The following NUP153 variants were observed in gnomAD, a reference collection of about 807,000 sequenced individuals.
NUP153 encodes the protein nucleoporin 153, also known as nuclear pore complex protein Nup153.
Under a neutral mutation model 134.6 loss-of-function variants are expected in NUP153, and 27 were observed. That is an observed-to-expected ratio of 0.20 (90% CI 0.15 to 0.28). The LOEUF is 0.28. Among genes scored for constraint, NUP153 ranks in the 10% least tolerant of loss-of-function variants. The probability of loss-of-function intolerance (pLI) is 1.00; values close to 1 mark genes in which losing one functional copy is unlikely to be tolerated. For missense variants in NUP153, 1,821 were observed against 1,731.3 expected (o/e 1.05, Z -0.92); for synonymous variants, 640 against 623.5 (o/e 1.03, Z -0.40).
chr6:17,623,089 C>T (rs1454166923), intron 20 of NUP153, among the ~76,000 whole-genome samples: 4 of 148,622 alleles, frequency 2.7e-5, no homozygotes, highest in African/African-American at 5.0e-5. Context: ...GAGATCAAGC[C>T]ACTGCACTCC....
chr6:17,648,005 A>T, intron 12 of NUP153, 100 bp from the exon 13 acceptor site: 1 of 724,376 alleles, frequency 1.4e-6, no homozygotes, highest in Non-Finnish European at 2.4e-6. Context: ...CAAAGACACT[A>T]AGTATTTTTT....
At chr6:17,633,762 G>A (rs1737202212) in intron 16 of NUP153, among the ~76,000 whole-genome samples, 1 of 152,170 alleles carries the variant, frequency 6.6e-6, no homozygotes, top group Non-Finnish European at 1.5e-5. Flanking sequence ...TACTTCTCTA[G>A]ATGGCCTACA....
In NUP153 at chr6:17,616,491, A is replaced by G. The variant is rs762235053; in HGVS notation, c.4343+36T>C. The G allele has an allele frequency of 8.3e-6, 13 of 1,568,434 alleles. No individual in the cohort carries two copies. The Admixed American group carries it at 2.2e-4, about 27-fold the overall frequency. On this transcript the variant is annotated intron_variant, in intron 21 of 21. Coordinates refer to ENST00000262077, the MANE Select transcript of NUP153 (RefSeq NM_005124.4). ...CATATACATGCACATACCCTTACCA[A>G]TGTAACTTCTCCATTTCAATAAAAA...
intron 1 of NUP153, among the ~76,000 whole-genome samples, chr6:17,704,894 G>A (rs1290570544): frequency 6.6e-6 from 1 of 152,026 alleles, no homozygotes; most frequent in Non-Finnish European, 1.5e-5. Context: ...CAAGTAGCTG[G>A]GACTACAGGC....
chr6:17,660,738 G>A (rs1767126908), intron 11 of NUP153, among the ~76,000 whole-genome samples: 1 of 152,044 alleles, frequency 6.6e-6, no homozygotes, highest in Non-Finnish European at 1.5e-5. Context: ...AAACTATCTT[G>A]AAGAGAAAAC....
At chr6:17,699,681 C>G (rs1769921643) in intron 1 of NUP153, among the ~76,000 whole-genome samples, 1 of 151,538 alleles carries the variant, frequency 6.6e-6, no homozygotes, top group Admixed American at 6.6e-5. Flanking sequence ...ACTAAAAATA[C>G]AAAAATAGCC....
chr6:17,669,385 A>T, intron 6 of NUP153, 45 bp downstream of exon 6: 1 of 1,596,236 alleles, frequency 6.3e-7, no homozygotes, highest in Non-Finnish European at 8.6e-7. Context: ...CAATAATATC[A>T]AGTTTTGTTA....
At chr6:17,636,815 GAAGT>G (rs1005501653) in intron 16 of NUP153, among the ~76,000 whole-genome samples, 6 of 152,206 alleles carry the variant, frequency 3.9e-5, no homozygotes, top group African/African-American at 1.4e-4. Flanking sequence ...TCTATTTGGA[GAAGT>G]AATATTTTAC....
chr6:17,687,911 G>A (rs1222974770), intron 2 of NUP153, among the ~76,000 whole-genome samples: 14 of 151,932 alleles, frequency 9.2e-5, no homozygotes, highest in Admixed American at 6.6e-4. Flanking sequence ...TCAGGAGATC[G>A]AGACCATCCT....
At chr6:17,686,797 G>GA (rs1351014090) in intron 2 of NUP153, among the ~76,000 whole-genome samples, 1 of 150,646 alleles carries the variant, frequency 6.6e-6, no homozygotes, top group African/African-American at 2.4e-5. Flanking sequence ...TTGGGGGTAG[G>GA]AAGGTAGGGA....
rs191724337 is a variant in NUP153, at chr6:17,655,906, T to C, written c.1395+5747A>G. ...TGTATCCAAACCTATTCTATACAGA[T>C]ATAAAACACAAGGTAGGGCTGGGCG... On this transcript the variant is annotated intron_variant, in intron 11 of 21. Coordinates refer to ENST00000262077, the MANE Select transcript of NUP153 (RefSeq NM_005124.4). Among the ~76,000 whole-genome samples, 2 of 152,248 alleles carry C rather than the reference T, an allele frequency of 1.3e-5. 1 individual carries two copies. Among genetic ancestry groups the C allele is most frequent in the East Asian group, 3.9e-4 (2 of 5,168 alleles).
At chr6:17,692,836 T>C (rs981318053) in intron 1 of NUP153, among the ~76,000 whole-genome samples, 1 of 152,110 alleles carries the variant, frequency 6.6e-6, no homozygotes, top group African/African-American at 2.4e-5. Flanking sequence ...GGAAATCAGA[T>C]ACATTTCAGG....
chr6:17,647,826 T>G lies in NUP153; in HGVS notation c.1613A>C (p.Asn538Thr). 1 of 1,603,520 alleles carries G rather than the reference T, an allele frequency of 6.2e-7. No individual in the cohort carries two copies. The highest frequency in any genetic ancestry group is 8.5e-7 in the Non-Finnish European group (1 of 1,170,368). Residue 538 changes from asparagine to threonine, a missense_variant, in exon 13 of 22, where the codon AAT (asparagine) becomes ACT (threonine). Transcript: ENST00000262077. ...SSPIVKSTEANVLPPSSIGFT... is the reference protein window; with the variant it reads ...SSPIVKSTEATVLPPSSIGFT... ...ACTTACAGATGATGGAGGTAGTACA[T>G]TTGCCTCAGTAGATTTTACGATTGG...
intron 9 of NUP153, among the ~76,000 whole-genome samples, chr6:17,664,066 C>T (rs75595468): frequency 0.041 from 6,206 of 151,690 alleles, 389 homozygotes; most frequent in East Asian, 0.29. Flanking sequence ...TATATCCATA[C>T]AATGAAATAT....
At position 17,638,622 on chromosome 6, in the gene NUP153, C is replaced by A. The variant is rs982526944; in HGVS notation, c.1847-852G>T. On this transcript the variant is annotated intron_variant, in intron 15 of 21. Transcript: ENST00000262077. The surrounding 1 kb of genome is among the most constrained non-coding windows in gnomAD (Gnocchi z 4.0). ...GATATTAACAGTAACCATCTCAAGG[C>A]ATTACAGATTTCTTTTTCTTCTACT... Among the ~76,000 whole-genome samples the A allele has an allele frequency of 9.2e-5, 14 of 152,192 alleles. No homozygotes were observed. The highest frequency in any genetic ancestry group is 1.9e-4 in the Non-Finnish European group (13 of 68,034).
In NUP153 at chr6:17,654,197, T is replaced by C. The variant is rs902606035; in HGVS notation, c.1396-4897A>G. Among the ~76,000 whole-genome samples the C allele has an allele frequency of 2.0e-5, 3 of 152,120 alleles. No individual in the cohort carries two copies. In the East Asian group the frequency reaches 5.8e-4, roughly 29 times the overall value. On this transcript the variant is annotated intron_variant, in intron 11 of 21. Coordinates refer to ENST00000262077, the MANE Select transcript of NUP153 (RefSeq NM_005124.4). ...ATCTGGCTATTTTTGTAGGGAAGCT[T>C]CTCTTCTCTGTCCAACCTCCAGCGT...
In NUP153 at chr6:17,658,345, G is replaced by A. The variant is rs577429724; in HGVS notation, c.1395+3308C>T. Among the ~76,000 whole-genome samples the A allele has an allele frequency of 2.8e-4, 42 of 152,312 alleles. 2 individuals carry two copies. The South Asian group carries it at 7.9e-3, about 29-fold the overall frequency. On this transcript the variant is annotated intron_variant, in intron 11 of 21. Transcript: ENST00000262077. ...CAAGAGGCAGAGGCTGCAGTGAGCT[G>A]AGATCATGCTACTGCCCTCCAGCCT...
chr6:17,648,382 C>T (rs1398550688), intron 12 of NUP153, among the ~76,000 whole-genome samples: 1 of 152,098 alleles, frequency 6.6e-6, no homozygotes, highest in African/African-American at 2.4e-5. Flanking sequence ...TTTGGGAGGC[C>T]AAGGCAGGCG....
intron 16 of NUP153, among the ~76,000 whole-genome samples, chr6:17,634,964 A>G (rs1765454585): frequency 1.4e-5 from 1 of 71,504 alleles, no homozygotes. Context: ...ATGAGCTTTA[A>G]AACAAATTAA....
Sources: gnomAD v4.1 joint callset for allele counts (sites outside exome capture counted in the v4.1 genomes callset) on GRCh38, gnomAD v4.1.1 for gene constraint, Gnocchi (gnomAD v3.1) non-coding constraint, MANE v1.5 for transcripts, NCBI Gene and HGNC (gene_info 2026-07-23, HGNC 2026-07-21) for gene names.